RTEL1: variants seen among roughly 807,000 people sequenced by gnomAD.
RTEL1 encodes the protein regulator of telomere length.
RTEL1 carries 86 observed loss-of-function variants against 162.2 expected under a neutral mutation model. The observed-to-expected ratio is 0.53, with a 90% CI of 0.45 to 0.63. The LOEUF (loss-of-function observed/expected upper bound fraction) is 0.63. RTEL1 is among the 30% of genes least tolerant of loss of function. RTEL1 has a pLI of 0.00. For missense variants in RTEL1, 1,941 were observed against 1,750.2 expected, an observed-to-expected ratio of 1.11 and a Z score of -1.95; for synonymous variants, 958 against 717.9, an observed-to-expected ratio of 1.33 and a Z score of -5.35.
At chr20:63,667,920 C>A (rs979730303) in intron 8 of RTEL1, among the ~76,000 whole-genome samples, 5 of 151,292 alleles carry the variant, frequency 3.3e-5, no homozygotes, top group Non-Finnish European at 5.9e-5. Flanking sequence ...CTTCCCAGCG[C>A]GTGCCCGGCC....
In RTEL1 at chr20:63,694,959, T is replaced by C. The variant is rs754275053; in HGVS notation, c.3328T>C (p.Phe1110Leu). Residue 1110 changes from phenylalanine (F) to leucine (L), a missense_variant, in exon 32 of 35, where the codon TTC becomes CTC. Physicochemically the swap from Phe to Leu is conservative, Grantham distance 22. Transcript: ENST00000360203. ...AALTTAKPEDFPLLHRFSMFV... is the reference protein window; with the variant it reads ...AALTTAKPEDLPLLHRFSMFV... ...CCTGACCACTGCAAAGCCAGAGGAC[T>C]TCCCCCTGCTGCACAGCAAGTGGCC... 6.2e-7 allele frequency: 1 copy of C among 1,612,436 alleles called. No individual in the cohort carries two copies. Among genetic ancestry groups the C allele is most frequent in the Admixed American group, 1.7e-5 (1 of 60,010 alleles).
Position 63,692,881 on chromosome 20 carries a change from C to A in RTEL1, c.2729C>A (p.Ala910Asp). Residue 910 changes from alanine to aspartate, a missense_variant, in exon 29 of 35, where the codon GCC becomes GAC. By Grantham distance (126) the Ala-to-Asp change is moderately radical. Coordinates refer to ENST00000360203, the MANE Select transcript of RTEL1 (RefSeq NM_001283009.2). ...MVAVKQELSQANFATFTQALQ... is the reference protein window; with the variant it reads ...MVAVKQELSQDNFATFTQALQ... ...GCCGTGAAGCAGGAGTTGAGCCAAG[C>A]CAACTTTGCCACCTTCACCCAGGCC... 6.2e-7 allele frequency: 1 copy of A among 1,612,638 alleles called. No individual in the cohort carries two copies. The highest frequency in any genetic ancestry group is 8.5e-7 in the Non-Finnish European group (1 of 1,179,856).
In RTEL1 at chr20:63,687,726, C is replaced by A; in HGVS notation, c.1437C>A (p.Ser479Arg). 2 of 1,596,336 alleles carry A rather than the reference C, an allele frequency of 1.3e-6. No homozygotes were observed. The highest frequency in any genetic ancestry group is 1.7e-6 in the Non-Finnish European group (2 of 1,173,096). ...GCGTCCGCTCCCTCATCCTTACCAGCGGCACGCTGGCCCCGGTGTCCTCCT... is the reference window on the plus strand; with the variant it reads ...GCGTCCGCTCCCTCATCCTTACCAGAGGCACGCTGGCCCCGGTGTCCTCCT... ...RQGVRSLILTSGTLAPVSSFA... is the reference protein window; with the variant it reads ...RQGVRSLILTRGTLAPVSSFA... Residue 479 changes from serine to arginine, a missense_variant, in exon 17 of 35, where the codon AGC (serine) becomes AGA (arginine). By Grantham distance (110) the Ser-to-Arg change is moderately radical. Coordinates refer to ENST00000360203, the MANE Select transcript of RTEL1 (RefSeq NM_001283009.2).
At position 63,694,975 on chromosome 20, in the gene RTEL1, G is replaced by A; in HGVS notation, c.3343+1G>A. 1 of 1,612,266 alleles carries A rather than the reference G, an allele frequency of 6.2e-7. No homozygotes were observed. Among genetic ancestry groups the A allele is most frequent in the Non-Finnish European group, 8.5e-7 (1 of 1,179,694 alleles). On this transcript the variant is annotated splice_donor_variant, in intron 32 of 34. Transcript: ENST00000360203. LOFTEE classifies it high-confidence loss of function. Reference sequence around the variant, plus strand: ...CCAGAGGACTTCCCCCTGCTGCACAGCAAGTGGCCCTGGCGTGGGGAACAG... The same window carrying A: ...CCAGAGGACTTCCCCCTGCTGCACAACAAGTGGCCCTGGCGTGGGGAACAG...
chr20:63,689,228 G>C, intron 22 of RTEL1, 96 bp downstream of exon 22: 1 of 1,241,984 alleles, frequency 8.1e-7, no homozygotes, highest in Non-Finnish European at 1.1e-6. Context: ...GGGGCTGCCC[G>C]GTCCCCTCCT....
At position 63,673,899 on chromosome 20, in the gene RTEL1, C is replaced by T. The variant is rs753037540; in HGVS notation, c.766-41C>T. 52 of 1,568,318 alleles carry T rather than the reference C, an allele frequency of 3.3e-5. No individual in the cohort carries two copies. The Admixed American group carries it at 8.1e-4, about 24-fold the overall frequency. On this transcript the variant is annotated intron_variant, in intron 9 of 34. Coordinates refer to ENST00000360203, the MANE Select transcript of RTEL1 (RefSeq NM_001283009.2). ...TTTCTGCTTTCTGGAACCCCCGATC[C>T]TGTCCTGTTCTGTGGTGATTCGGGT...
chr20:63,694,313 C>A (rs1431742395), intron 30 of RTEL1, 59 bp from the exon 31 acceptor site: 6 of 1,179,356 alleles, frequency 5.1e-6, no homozygotes, highest in Admixed American at 1.7e-5. Context: ...TGCCCCCCCA[C>A]CCCAGGGAAC....
chr20:63,684,499 A>T (rs1601152511), intron 14 of RTEL1, among the ~76,000 whole-genome samples: 1 of 152,116 alleles, frequency 6.6e-6, no homozygotes, highest in South Asian at 2.1e-4. Context: ...GATTATAGGC[A>T]CCTGCCACCA....
At position 63,691,792 on chromosome 20, in the gene RTEL1, A is replaced by G; in HGVS notation, c.2607A>G (p.Glu869=). 6.2e-7 allele frequency: 1 copy of G among 1,612,450 alleles called. No homozygotes were observed. Among genetic ancestry groups the G allele is most frequent in the Non-Finnish European group, 8.5e-7 (1 of 1,179,816 alleles). ...TCCTGTCTGAGAAGAGGCCGGCAGA[A>G]GAACCGCGAGGAGGGAGGAAGAAGA... ...LSLLSEKRPA[E]EPRGGRKKIR... Residue 869 remains glutamate, a synonymous_variant, in exon 28 of 35, where the codon GAA becomes GAG. Coordinates refer to ENST00000360203, the MANE Select transcript of RTEL1 (RefSeq NM_001283009.2).
In RTEL1 at chr20:63,678,759, A is replaced by T. The variant is rs551994524; in HGVS notation, c.1037+413A>T. ...ACGGCACACACTCCCACGGAACGGC[A>T]CACTCTCCCACGGAACAGCACACTC... On this transcript the variant is annotated intron_variant, in intron 12 of 34. Transcript: ENST00000360203. Among the ~76,000 whole-genome samples the T allele has an allele frequency of 1.3e-4, 17 of 129,416 alleles. 3 individuals are homozygous for T. Among genetic ancestry groups the T allele is most frequent in the African/African-American group, 4.7e-4 (15 of 31,600 alleles). The allele number at this position is 129,416 out of a possible 152,430, so 84.9% of individuals were successfully genotyped here. A position where few individuals can be genotyped will look rare whatever the true frequency, so the allele number is the denominator to read the frequency against.
intron 8 of RTEL1, among the ~76,000 whole-genome samples, chr20:63,672,027 G>A (rs2090253089): frequency 6.6e-6 from 1 of 151,636 alleles, no homozygotes; most frequent in Non-Finnish European, 1.5e-5. Context: ...GGGATTACAG[G>A]CACACACCAC....
At chr20:63,682,399 G>GGCCTCCCA (rs1309680412) in intron 14 of RTEL1, 1 of 984,808 alleles carries the variant, frequency 1.0e-6, no homozygotes, top group Non-Finnish European at 1.2e-6. Flanking sequence ...CCTGGAACGC[G>GGCCTCCCA]GCCTCCCAGC....
intron 1 of RTEL1, 155 bp downstream of exon 1, chr20:63,658,621 C>T (rs560663930): frequency 2.0e-5 from 3 of 152,432 alleles, no homozygotes; most frequent in Non-Finnish European, 2.9e-5. Flanking sequence ...CCTGTAGTTT[C>T]CTGCGCTCGT....
chr20:63,666,282 A>G (rs1265320502), intron 7 of RTEL1, among the ~76,000 whole-genome samples: 2 of 152,250 alleles, frequency 1.3e-5, no homozygotes, highest in Admixed American at 6.5e-5. Context: ...GCCCTCAGCC[A>G]TCCCCGGTGG....
chr20:63,676,215 C>A (rs1031464508), intron 10 of RTEL1, among the ~76,000 whole-genome samples: 3 of 152,148 alleles, frequency 2.0e-5, no homozygotes, highest in African/African-American at 4.8e-5. Context: ...CTCCCAAGCT[C>A]CTGGGACTAC....
intron 5 of RTEL1, 80 bp downstream of exon 5, chr20:63,662,707 C>T (rs1285363656): frequency 2.5e-6 from 4 of 1,603,354 alleles, no homozygotes; most frequent in Non-Finnish European, 3.4e-6. Context: ...GGCTGCGCTC[C>T]CGCTGGGCTA....
At chr20:63,678,657 A>ACACACACTCCCACGGAACAG (rs2090414172) in intron 12 of RTEL1, among the ~76,000 whole-genome samples, 3 of 123,766 alleles carry the variant, frequency 2.4e-5, no homozygotes, top group Non-Finnish European at 3.4e-5. Flanking sequence ...ACGGAACAGC[A>ACACACACTCCCACGGAACAG]CACACACCCA....
At chr20:63,694,192 C>T (rs1371594885) in intron 30 of RTEL1, 180 bp from the exon 31 acceptor site, 2 of 620,020 alleles carry the variant, frequency 3.2e-6, no homozygotes, top group Admixed American at 2.7e-5. Flanking sequence ...TTCCAGCCCC[C>T]ATCCAGCAGG....
intron 28 of RTEL1, chr20:63,692,062 G>T (rs2090760162): frequency 1.9e-6 from 1 of 519,024 alleles, no homozygotes; most frequent in East Asian, 3.4e-5. Flanking sequence ...CCTTGGGCAG[G>T]TTTGGCATGG....
Sources: gnomAD v4.1 joint callset for allele counts (sites outside exome capture counted in the v4.1 genomes callset) on GRCh38, gnomAD v4.1.1 for gene constraint, MANE v1.5 for transcripts, NCBI Gene and HGNC (gene_info 2026-07-23, HGNC 2026-07-21) for gene names.